The following CTNNA3 variants were observed in gnomAD, a reference collection of about 807,000 sequenced individuals.
CTNNA3 encodes catenin alpha-3.
Under a neutral mutation model 95.7 loss-of-function variants are expected in CTNNA3, and 76 were observed. The ratio of observed to expected loss-of-function variants is 0.79; its 90% CI spans 0.66 to 0.96. The LOEUF (loss-of-function observed/expected upper bound fraction) is 0.96. Ranked by LOEUF, CTNNA3 falls within the 40% of genes least tolerant of loss-of-function variation. The pLI is 0.00. For missense variants in CTNNA3, 1,191 were observed against 1,089.8 expected (o/e 1.09, Z -1.31); for synonymous variants, 431 against 374.4 (o/e 1.15, Z -1.74).
At chr10:67,035,192 T>C (rs921742908) in intron 7 of CTNNA3, among the ~76,000 whole-genome samples, 3 of 152,234 alleles carry the variant, frequency 2.0e-5, no homozygotes, top group African/African-American at 7.2e-5. Flanking sequence ...AATATATAGA[T>C]ATGTATAGCA....
chr10:66,362,126 C>T (rs867219363), intron 12 of CTNNA3, among the ~76,000 whole-genome samples: 1 of 109,166 alleles, frequency 9.2e-6, no homozygotes, highest in African/African-American at 3.7e-5. Flanking sequence ...TTTTTTGAGA[C>T]GGAGTCTTGC....
chr10:66,598,098 G>A (rs1392163575), intron 10 of CTNNA3, among the ~76,000 whole-genome samples: 1 of 151,784 alleles, frequency 6.6e-6, no homozygotes, highest in Non-Finnish European at 1.5e-5. Context: ...TTTATCCCAG[G>A]AATTCAAGAA....
chr10:66,532,908 G>C (rs1564516318), intron 10 of CTNNA3, among the ~76,000 whole-genome samples: 1 of 151,888 alleles, frequency 6.6e-6, no homozygotes, highest in Admixed American at 6.6e-5. Context: ...CTTCTGATGG[G>C]TTCCTAGAAA....
intron 7 of CTNNA3, among the ~76,000 whole-genome samples, chr10:66,974,196 T>C (rs77130063): frequency 0.02 from 3,082 of 152,184 alleles, 51 homozygotes; most frequent in Admixed American, 0.032. Flanking sequence ...TCAATGTAGG[T>C]TTTTGTTTCT....
intron 13 of CTNNA3, among the ~76,000 whole-genome samples, chr10:66,128,211 GAGAAA>G (rs1189366171): frequency 2.6e-5 from 4 of 152,188 alleles, no homozygotes; most frequent in South Asian, 2.1e-4. Context: ...AGTCAATATA[GAGAAA>G]AGAAAATAAT....
chr10:67,700,986 C>A (rs1408997864), upstream of CTNNA3, among the ~76,000 whole-genome samples: 1 of 152,116 alleles, frequency 6.6e-6, no homozygotes. Flanking sequence ...AACGCAGAAG[C>A]CTCAGGAGCC....
intron 12 of CTNNA3, among the ~76,000 whole-genome samples, chr10:66,322,607 CACAAAGCCTTGCAAA>C (rs2092204514): frequency 6.6e-6 from 1 of 152,094 alleles, no homozygotes; most frequent in South Asian, 2.1e-4. Flanking sequence ...GAAGAGACTA[CACAAAGCCTTGCAAA>C]ACAAACAAGT....
Position 66,036,878 on chromosome 10 carries a change from T to A in CTNNA3, c.2159+32430A>T, listed in dbSNP as rs952625803. Among the ~76,000 whole-genome samples, 1,194 of 138,798 alleles carry A rather than the reference T, an allele frequency of 8.6e-3. 13 individuals are homozygous for A. Among genetic ancestry groups the A allele is most frequent in the Non-Finnish European group, 0.014 (911 of 64,274 alleles). 91.1% of individuals were successfully genotyped at this position (138,798 alleles called of 152,430 possible). On this transcript the variant is annotated intron_variant, in intron 15 of 17. Transcript: ENST00000433211. ...GTAGTTCCAATTTTTTTTTTTTTTTTTTTTTTTTTTTTGAGACTGAGTCTC... is the reference window on the plus strand; with the variant it reads ...GTAGTTCCAATTTTTTTTTTTTTTTATTTTTTTTTTTTGAGACTGAGTCTC...
At chr10:65,964,491 A>G (rs908666220) in intron 17 of CTNNA3, among the ~76,000 whole-genome samples, 4 of 152,178 alleles carry the variant, frequency 2.6e-5, no homozygotes, top group African/African-American at 9.6e-5. Context: ...ATATATGTAA[A>G]GTTCATGAAT....
At position 66,209,110 on chromosome 10, in the gene CTNNA3, C is replaced by T. The variant is rs115353672; in HGVS notation, c.1884+71360G>A. Among the ~76,000 whole-genome samples the T allele has an allele frequency of 2.4e-3, 365 of 152,216 alleles. 2 individuals are homozygous for T. The highest frequency in any genetic ancestry group is 8.4e-3 in the African/African-American group (347 of 41,522). On this transcript the variant is annotated intron_variant, in intron 13 of 17. Coordinates refer to ENST00000433211, the MANE Select transcript of CTNNA3 (RefSeq NM_013266.4). ...TAATGAGCTGGCTATATCTAACCTGCCATTTAGAAGCTCTGGATATATCAA... is the reference window on the plus strand; with the variant it reads ...TAATGAGCTGGCTATATCTAACCTGTCATTTAGAAGCTCTGGATATATCAA...
chr10:66,071,934 T>G (rs2080444178), intron 14 of CTNNA3, among the ~76,000 whole-genome samples: 1 of 152,184 alleles, frequency 6.6e-6, no homozygotes, highest in African/African-American at 2.4e-5. Flanking sequence ...TTTTTAAGCA[T>G]AGATTTCATT....
At chr10:66,271,995 G>A (rs1317109401) in intron 13 of CTNNA3, among the ~76,000 whole-genome samples, 2 of 152,192 alleles carry the variant, frequency 1.3e-5, no homozygotes, top group Non-Finnish European at 2.9e-5. Context: ...TGTGCTGAGA[G>A]CATAAGACTT....
At position 66,774,179 on chromosome 10, in the gene CTNNA3, C is replaced by T. The variant is rs371529226; in HGVS notation, c.1128+1265G>A. 3.9e-4 allele frequency among the ~76,000 whole-genome samples: 60 copies of T among 152,206 alleles called. 2 individuals carry two copies. The South Asian group carries it at 9.7e-3, about 25-fold the overall frequency. On this transcript the variant is annotated intron_variant, in intron 8 of 17. Transcript: ENST00000433211. ...GCAATATAGAGGGAAAAGACACGAA[C>T]GAGAGACACAATCATTGAGAGCTCA...
intron 9 of CTNNA3, among the ~76,000 whole-genome samples, chr10:66,634,572 G>GGTGTGTGTGTGTGTGTGTGTGTGT (rs59187647): frequency 1.4e-5 from 2 of 146,080 alleles, no homozygotes; most frequent in South Asian, 2.2e-4. Context: ...CTCTGTGCAT[G>GGTGTGTGTGTGTGTGTGTGTGTGT]GTGTGTGTGT....
intron 1 of CTNNA3, among the ~76,000 whole-genome samples, chr10:67,651,173 G>A (rs553133214): frequency 3.3e-5 from 5 of 151,528 alleles, no homozygotes; most frequent in Admixed American, 1.3e-4. Context: ...AGTTTGTAAG[G>A]TGATGGCTGA....
intron 1 of CTNNA3, chr10:67,750,253 G>C (rs1206243404): frequency 6.7e-7 from 1 of 1,490,986 alleles, no homozygotes; most frequent in Admixed American, 1.7e-5. Context: ...GAGACTTCTA[G>C]TGCTCACTCA....
chr10:67,068,151 T>G (rs1315706666), intron 7 of CTNNA3, among the ~76,000 whole-genome samples: 1 of 152,088 alleles, frequency 6.6e-6, no homozygotes, highest in African/African-American at 2.4e-5. Context: ...TAAACTAAGC[T>G]GAGTCAGTGG....
At position 66,237,563 on chromosome 10, in the gene CTNNA3, AT is replaced by A. The variant is rs35983423; in HGVS notation, c.1884+42906del. On this transcript the variant is annotated intron_variant, in intron 13 of 17. Coordinates refer to ENST00000433211, the MANE Select transcript of CTNNA3 (RefSeq NM_013266.4). The stretch of plus-strand genomic sequence containing the variant: ...ACCAAGTACATAATAGAGTTTTGTG[AT>A]TTTTTTTTTTAAAAGGGGTGTGAAT... 5.5e-3 allele frequency among the ~76,000 whole-genome samples: 823 copies of A among 149,734 alleles called. 5 individuals are homozygous for A. The highest frequency in any genetic ancestry group is 0.018 in the African/African-American group (742 of 40,832).
At chr10:66,595,374 T>C (rs1281538511) in intron 10 of CTNNA3, among the ~76,000 whole-genome samples, 1 of 151,892 alleles carries the variant, frequency 6.6e-6, no homozygotes, top group Non-Finnish European at 1.5e-5. Context: ...GACAGAGTCC[T>C]GCTCTGTCAC....
Sources: gnomAD v4.1 joint callset for allele counts (sites outside exome capture counted in the v4.1 genomes callset) on GRCh38, gnomAD v4.1.1 for gene constraint, MANE v1.5 for transcripts, NCBI Gene and HGNC (gene_info 2026-07-23, HGNC 2026-07-21) for gene names.